KCNQ3: variants seen among roughly 807,000 people sequenced by gnomAD.
KCNQ3 encodes potassium voltage-gated channel subfamily KQT member 3.
A neutral mutation model predicts 92.5 loss-of-function variants in KCNQ3; 30 were observed. The ratio of observed to expected loss-of-function variants is 0.32; its 90% CI spans 0.24 to 0.44. The LOEUF is 0.44. Among genes scored for constraint, KCNQ3 ranks in the 20% least tolerant of loss-of-function variants. KCNQ3 has a pLI of 1.00. For synonymous variants in KCNQ3, 450 were observed against 468.8 expected, an observed-to-expected ratio of 0.96 and a Z score of 0.52; for missense variants, 913 against 1,140.3, an observed-to-expected ratio of 0.80 and a Z score of 2.87.
chr8:132,290,892 T>C (rs1319650962), intron 1 of KCNQ3, among the ~76,000 whole-genome samples: 1 of 152,150 alleles, frequency 6.6e-6, no homozygotes, highest in Non-Finnish European at 1.5e-5. Flanking sequence ...CTAGGCACCG[T>C]GTTCTGTCTG....
intron 1 of KCNQ3, among the ~76,000 whole-genome samples, chr8:132,211,625 A>G (rs1813856849): frequency 6.6e-6 from 1 of 152,214 alleles, no homozygotes; most frequent in Middle Eastern, 3.2e-3. Context: ...TTGTATATAC[A>G]TATGAGAGTC....
At chr8:132,349,332 C>T (rs1273593768) in intron 1 of KCNQ3, among the ~76,000 whole-genome samples, 1 of 152,146 alleles carries the variant, frequency 6.6e-6, no homozygotes, top group Non-Finnish European at 1.5e-5. Flanking sequence ...GAGCGACTTC[C>T]AAATGGAATG....
At chr8:132,472,704 G>C (rs1471677804) in intron 1 of KCNQ3, among the ~76,000 whole-genome samples, 2 of 152,068 alleles carry the variant, frequency 1.3e-5, no homozygotes, top group East Asian at 1.9e-4. Context: ...ATCAGAGAAG[G>C]GTGACCATAG....
intron 1 of KCNQ3, among the ~76,000 whole-genome samples, chr8:132,354,001 C>T (rs1335235086): frequency 5.3e-5 from 8 of 152,114 alleles, no homozygotes; most frequent in Non-Finnish European, 1.2e-4. Flanking sequence ...AAGCCCTGAG[C>T]CAGGTACTGT....
chr8:132,216,024 T>A (rs1333336253), intron 1 of KCNQ3, among the ~76,000 whole-genome samples: 1 of 152,134 alleles, frequency 6.6e-6, no homozygotes, highest in Non-Finnish European at 1.5e-5. Context: ...AGTCTGAGAA[T>A]ATGCAGAAAA....
At chr8:132,159,932 A>G (rs1825932750) in intron 9 of KCNQ3, among the ~76,000 whole-genome samples, 1 of 152,332 alleles carries the variant, frequency 6.6e-6, no homozygotes, top group South Asian at 2.1e-4. Flanking sequence ...AAAGCCAACC[A>G]TGTGTCAGGC....
At chr8:132,350,727 T>C (rs143877047) in intron 1 of KCNQ3, among the ~76,000 whole-genome samples, 16 of 152,286 alleles carry the variant, frequency 1.1e-4, no homozygotes, top group Non-Finnish European at 2.2e-4. Context: ...CTCACGCACG[T>C]GAGTCTTAGA....
chr8:132,444,194 T>G (rs1878016), intron 1 of KCNQ3, among the ~76,000 whole-genome samples: 123,012 of 151,874 alleles, frequency 0.81, 49,915 homozygotes, highest in South Asian at 0.84. Flanking sequence ...CGTGGGTGGG[T>G]TGCTGAGCCC....
At chr8:132,266,798 G>A (rs2130486874) in intron 1 of KCNQ3, among the ~76,000 whole-genome samples, 1 of 152,286 alleles carries the variant, frequency 6.6e-6, no homozygotes, top group South Asian at 2.1e-4. Context: ...AGCTTCCCAG[G>A]TGATGGTGTT....
chr8:132,246,345 A>T (rs1375667074), intron 1 of KCNQ3, among the ~76,000 whole-genome samples: 1 of 152,252 alleles, frequency 6.6e-6, no homozygotes, highest in Non-Finnish European at 1.5e-5. Context: ...AACAATGCCC[A>T]AAGCAGCAAA....
intron 9 of KCNQ3, among the ~76,000 whole-genome samples, chr8:132,154,235 C>CTTT (rs1554624578): frequency 3.0e-5 from 2 of 66,036 alleles, no homozygotes; most frequent in African/African-American, 4.6e-5. Context: ...GCCAATCAGG[C>CTTT]TTTTTGCCCC....
chr8:132,462,408 G>A (rs188061387), intron 1 of KCNQ3, among the ~76,000 whole-genome samples: 27 of 152,218 alleles, frequency 1.8e-4, no homozygotes, highest in Admixed American at 5.9e-4. Context: ...AGCTGGTCTT[G>A]AACTCTTGAC....
chr8:132,303,567 T>TAG (rs1817294548), intron 1 of KCNQ3, among the ~76,000 whole-genome samples: 1 of 61,802 alleles, frequency 1.6e-5, no homozygotes, highest in Non-Finnish European at 3.1e-5. Context: ...GAAAATGTGA[T>TAG]ATATATATAT....
chr8:132,259,602 G>T (rs2130465649), intron 1 of KCNQ3, among the ~76,000 whole-genome samples: 1 of 152,240 alleles, frequency 6.6e-6, no homozygotes, highest in South Asian at 2.1e-4. Context: ...ACAAAGCAAG[G>T]ATGTCTGCTC....
At chr8:132,461,727 G>C (rs761542674) in intron 1 of KCNQ3, among the ~76,000 whole-genome samples, 1 of 152,174 alleles carries the variant, frequency 6.6e-6, no homozygotes, top group Non-Finnish European at 1.5e-5. Context: ...ATTCAAATAG[G>C]TGTGTAGTGA....
At chr8:132,339,946 G>A (rs62520379) in intron 1 of KCNQ3, among the ~76,000 whole-genome samples, 12,832 of 151,432 alleles carry the variant, frequency 0.085, 812 homozygotes, top group Admixed American at 0.18. Flanking sequence ...TTCTGAGTGC[G>A]GGCAACAAAC....
chr8:132,191,804 C>T (rs1462431500), intron 1 of KCNQ3, among the ~76,000 whole-genome samples: 2 of 151,846 alleles, frequency 1.3e-5, no homozygotes, highest in East Asian at 3.9e-4. Context: ...AGAGAGCATC[C>T]TCCTGTGTAG....
At chr8:132,298,714 C>T (rs1817123317) in intron 1 of KCNQ3, among the ~76,000 whole-genome samples, 1 of 152,150 alleles carries the variant, frequency 6.6e-6, no homozygotes, top group South Asian at 2.1e-4. Flanking sequence ...TGAGACCAGC[C>T]TGGCCAACAT....
At position 132,279,113 on chromosome 8, in the gene KCNQ3, G is replaced by T. The variant is rs138280962; in HGVS notation, c.387-92932C>A. Among the ~76,000 whole-genome samples, 576 of 152,190 alleles carry T rather than the reference G, an allele frequency of 3.8e-3. 5 individuals carry two copies. Among genetic ancestry groups the T allele is most frequent in the African/African-American group, 0.013 (533 of 41,500 alleles). On this transcript the variant is annotated intron_variant, in intron 1 of 14. Transcript: ENST00000388996. ...GGATACCTGTAATCCCACTACTCAGGAGGCTCAGGCAGGAGAATTGCTTGA... is the reference window on the plus strand; with the variant it reads ...GGATACCTGTAATCCCACTACTCAGTAGGCTCAGGCAGGAGAATTGCTTGA...
Sources: gnomAD v4.1 joint callset for allele counts (sites outside exome capture counted in the v4.1 genomes callset) on GRCh38, gnomAD v4.1.1 for gene constraint, MANE v1.5 for transcripts, NCBI Gene and HGNC (gene_info 2026-07-23, HGNC 2026-07-21) for gene names.